GGA2: variants seen among roughly 807,000 people sequenced by gnomAD.
GGA2 encodes golgi associated, gamma adaptin ear containing, ARF binding protein 2, also known as ADP-ribosylation factor-binding protein GGA2.
Under a neutral mutation model 79.5 loss-of-function variants are expected in GGA2, and 48 were observed. That is an observed-to-expected ratio of 0.60 (90% CI 0.48 to 0.77). The LOEUF is 0.77. Among genes scored for constraint, GGA2 ranks in the 30% least tolerant of loss-of-function variants. GGA2 has a pLI of 0.00. For missense variants in GGA2, 770 were observed against 774.0 expected, an observed-to-expected ratio of 0.99 and a Z score of 0.06; for synonymous variants, 317 against 302.0, an observed-to-expected ratio of 1.05 and a Z score of -0.51.
Position 23,488,691 on chromosome 16 carries a change from G to A in GGA2, c.494C>T (p.Pro165Leu), listed in dbSNP as rs202161732. 2.1e-4 allele frequency: 336 copies of A among 1,597,052 alleles called. No individual in the cohort carries two copies. Among genetic ancestry groups the A allele is most frequent in the Non-Finnish European group, 2.7e-4 (314 of 1,165,086 alleles). The change falls in exon 6 of 17, where the codon CCT becomes CTT. Residue 165 changes from proline to leucine, a missense_variant. By Grantham distance (98) the Pro-to-Leu change is moderately conservative. Transcript: ENST00000309859. The stretch of plus-strand genomic sequence containing the variant: ...TAAGATTTTATCCACTGGTAGTTTA[G>A]GGTCTTGTTTTATAATTCCTAAAAA... ...LKKQGIIKQD[P>L]KLPVDKILPP...
At chr16:23,491,547 AAC>A in intron 5 of GGA2, 128 bp downstream of exon 5, 36 of 575,558 alleles carry the variant, frequency 6.3e-5, no homozygotes, top group Middle Eastern at 3.6e-4. Flanking sequence ...AAAAAAAAAA[AAC>A]TCTACCTCAG....
intron 2 of GGA2, among the ~76,000 whole-genome samples, chr16:23,515,654 C>T (rs1257452503): frequency 6.6e-6 from 1 of 151,436 alleles, no homozygotes; most frequent in African/African-American, 2.4e-5. Flanking sequence ...CAATGACAGA[C>T]TAACACACAG....
intron 13 of GGA2, among the ~76,000 whole-genome samples, chr16:23,476,737 G>C (rs1964580646): frequency 6.6e-6 from 1 of 152,176 alleles, no homozygotes; most frequent in South Asian, 2.1e-4. Flanking sequence ...TGTTTTTAGG[G>C]AGTGGCACTT....
chr16:23,472,279 C>T (rs1166731079), intron 14 of GGA2, among the ~76,000 whole-genome samples: 8 of 150,212 alleles, frequency 5.3e-5, no homozygotes, highest in South Asian at 4.2e-4. Flanking sequence ...CTGCAACCTC[C>T]GCCTCCCAGG....
At chr16:23,473,356 T>TTTTTTTG (rs1555498980) in intron 14 of GGA2, among the ~76,000 whole-genome samples, 3 of 140,402 alleles carry the variant, frequency 2.1e-5, no homozygotes, top group Non-Finnish European at 3.0e-5. Flanking sequence ...TTTTTTTTTT[T>TTTTTTTG]AGACAGAGTC....
At chr16:23,482,784 A>G in intron 9 of GGA2, 139 bp downstream of exon 9, 1 of 662,764 alleles carries the variant, frequency 1.5e-6, no homozygotes. Context: ...GAGGCAACTC[A>G]GGCCACACCC....
chr16:23,495,075 C>T (rs1355918629), intron 2 of GGA2, among the ~76,000 whole-genome samples: 14 of 130,652 alleles, frequency 1.1e-4, no homozygotes, highest in Admixed American at 4.9e-4. Flanking sequence ...CACTCTGTCT[C>T]AGGAAAAAAA....
intron 13 of GGA2, 137 bp from the exon 14 acceptor site, chr16:23,475,198 T>C: frequency 1.9e-6 from 1 of 534,256 alleles, no homozygotes; most frequent in South Asian, 2.4e-5. Context: ...CCTTTTTTTT[T>C]TTTTTTTTTG....
intron 6 of GGA2, 111 bp downstream of exon 6, chr16:23,488,495 G>A (rs1964742931): frequency 6.7e-6 from 5 of 745,536 alleles, no homozygotes; most frequent in Admixed American, 2.1e-5. Context: ...GTCTGGAGAG[G>A]AGAACCCATG....
intron 6 of GGA2, among the ~76,000 whole-genome samples, chr16:23,487,469 G>A (rs1964729928): frequency 6.6e-6 from 1 of 152,134 alleles, no homozygotes; most frequent in African/African-American, 2.4e-5. Context: ...GAATTCTCTG[G>A]CCCAAAAGGG....
chr16:23,479,527 C>A (rs531557671), intron 11 of GGA2, among the ~76,000 whole-genome samples: 4 of 150,400 alleles, frequency 2.7e-5, no homozygotes, highest in Non-Finnish European at 5.9e-5. Context: ...CTCACACTCT[C>A]CCTGACTTGC....
chr16:23,508,885 C>G (rs771678083), intron 1 of GGA2, among the ~76,000 whole-genome samples: 2 of 152,158 alleles, frequency 1.3e-5, no homozygotes, highest in South Asian at 2.1e-4. Context: ...CTGTAACCCA[C>G]CAGTTCCTCG....
intron 14 of GGA2, among the ~76,000 whole-genome samples, chr16:23,474,015 G>A (rs1270846702): frequency 2.6e-5 from 4 of 152,162 alleles, no homozygotes; most frequent in South Asian, 4.1e-4. Context: ...TGGAACAGAC[G>A]ACCTGAGTTG....
chr16:23,491,306 CA>C (rs35347154), intron 5 of GGA2, among the ~76,000 whole-genome samples: 3,690 of 66,538 alleles, frequency 0.055, 40 homozygotes, highest in African/African-American at 0.16. Context: ...CACCTTGTCT[CA>C]AAAAAAAAAA....
intron 13 of GGA2, among the ~76,000 whole-genome samples, chr16:23,475,831 G>A (rs1005190894): frequency 6.6e-6 from 1 of 152,076 alleles, no homozygotes; most frequent in African/African-American, 2.4e-5. Flanking sequence ...TCAGGAGGCT[G>A]AGGCAGGAGA....
upstream of GGA2, among the ~76,000 whole-genome samples, chr16:23,515,024 G>A (rs979732916): frequency 2.6e-5 from 4 of 152,104 alleles, no homozygotes; most frequent in African/African-American, 4.8e-5. Flanking sequence ...GTAGGAAGTG[G>A]TTGAGGAGTT....
intron 8 of GGA2, among the ~76,000 whole-genome samples, chr16:23,485,276 TTC>T (rs1381927912): frequency 3.3e-5 from 5 of 152,148 alleles, no homozygotes; most frequent in African/African-American, 1.2e-4. Context: ...GGTACAAGGT[TTC>T]TTTTAGGGGT....
At chr16:23,511,384 C>A (rs1298574940), upstream of GGA2, among the ~76,000 whole-genome samples, 5 of 151,828 alleles carry the variant, frequency 3.3e-5, no homozygotes, top group African/African-American at 1.2e-4. Flanking sequence ...TGGTCTCGAA[C>A]TCCTGACCTC....
chr16:23,520,996 T>G (rs1201465393), intron 1 of GGA2, among the ~76,000 whole-genome samples: 2 of 152,174 alleles, frequency 1.3e-5, no homozygotes, highest in Non-Finnish European at 2.9e-5. Flanking sequence ...TTCACCATGT[T>G]GGCCAGGCTG....
Sources: allele counts gnomAD v4.1 joint callset (sites outside exome capture counted in the v4.1 genomes callset), GRCh38; gene constraint gnomAD v4.1.1; transcripts MANE v1.5; gene names NCBI Gene and HGNC (gene_info 2026-07-23, HGNC 2026-07-21).